Variants in VCL observed in about 807,000 individuals in gnomAD.
The protein encoded by VCL is vinculin, also known as epididymis luminal protein 114.
A neutral mutation model predicts 125.7 loss-of-function variants in VCL; 47 were observed. The ratio of observed to expected loss-of-function variants is 0.37; its 90% CI spans 0.30 to 0.48. VCL has a LOEUF of 0.48. Ranked by LOEUF, VCL falls within the 20% of genes least tolerant of loss-of-function variation. The pLI is 0.99. For synonymous variants in VCL, 458 were observed against 514.6 expected, an observed-to-expected ratio of 0.89 and a Z score of 1.49; for missense variants, 1,069 against 1,455.5, an observed-to-expected ratio of 0.73 and a Z score of 4.32.
intron 1 of VCL, among the ~76,000 whole-genome samples, chr10:74,041,293 G>A (rs1379462666): frequency 6.6e-6 from 1 of 151,728 alleles, no homozygotes; most frequent in Admixed American, 6.6e-5. Flanking sequence ...ATATGATTTA[G>A]TACTCTTAGG....
In VCL at chr10:74,071,110, T is replaced by A; in HGVS notation, c.499+27T>A. The A allele has an allele frequency of 1.2e-6, 2 of 1,604,194 alleles. No homozygotes were observed. The highest frequency in any genetic ancestry group is 1.7e-6 in the Non-Finnish European group (2 of 1,171,072). ...TTAGTTTTATCCAATTTCTATAACA[T>A]TTTTTAAGGATTGTCCATGTTGGAG... On this transcript the variant is annotated intron_variant, in intron 4 of 21. Transcript: ENST00000211998. This position sits in a 1 kb window ranked among gnomAD's most constrained non-coding sequence, Gnocchi z 4.1.
chr10:74,003,417 C>T (rs117472785), intron 1 of VCL, among the ~76,000 whole-genome samples: 1,914 of 152,248 alleles, frequency 0.013, 16 homozygotes, highest in South Asian at 0.026. Context: ...TACTTTGTAG[C>T]ATGGTATATA....
intron 1 of VCL, among the ~76,000 whole-genome samples, chr10:74,036,394 G>A (rs979020397): frequency 1.3e-5 from 2 of 152,066 alleles, no homozygotes; most frequent in South Asian, 4.2e-4. Context: ...GTAGAGACAG[G>A]GTTTCACCAT....
intron 2 of VCL, among the ~76,000 whole-genome samples, chr10:74,060,655 C>CAAAAAAAAA (rs11398822): frequency 9.2e-6 from 1 of 109,244 alleles, no homozygotes; most frequent in Non-Finnish European, 1.8e-5. Context: ...GACTCTGTCT[C>CAAAAAAAAA]AAAAAAAAAA....
At position 74,089,130 on chromosome 10, in the gene VCL, A is replaced by G. The variant is rs1324234604; in HGVS notation, c.1023-66A>G. On this transcript the variant is annotated intron_variant, in intron 8 of 21. Coordinates refer to ENST00000211998, the MANE Select transcript of VCL (RefSeq NM_014000.3). The stretch of plus-strand genomic sequence containing the variant: ...TCATGAAAACCACATGTACTGTGCT[A>G]TTGGGAATATTTTGTCATTAAGTAT... The G allele has an allele frequency of 1.1e-5, 17 of 1,606,348 alleles. No homozygotes were observed. In the East Asian group the frequency reaches 1.3e-4, roughly 13 times the overall value.
chr10:74,107,502 CA>C (rs1021329212), intron 17 of VCL, 148 bp downstream of exon 17: 1 of 1,361,696 alleles, frequency 7.3e-7, no homozygotes, highest in Non-Finnish European at 1.0e-6. Flanking sequence ...TCTCGATTTT[CA>C]TTCCTAAATC....
intron 11 of VCL, 26 bp downstream of exon 11, chr10:74,094,487 T>G (rs1839935664): frequency 6.2e-7 from 1 of 1,606,192 alleles, no homozygotes. Context: ...CACTATAACC[T>G]CATTAAATTG....
chr10:74,075,656 C>G (rs1371901310), intron 6 of VCL: 4 of 152,230 alleles, frequency 2.6e-5, no homozygotes, highest in Admixed American at 6.5e-5. Context: ...GTGGGGGGAA[C>G]ACACTGTCCC....
intron 19 of VCL, among the ~76,000 whole-genome samples, chr10:74,113,849 G>C (rs1303976111): frequency 1.3e-5 from 2 of 152,156 alleles, no homozygotes; most frequent in African/African-American, 2.4e-5. Flanking sequence ...TGCTTGTTCA[G>C]TGCTGTGCCT....
chr10:74,090,621 C>T (rs1473145872), intron 10 of VCL, among the ~76,000 whole-genome samples: 2 of 152,038 alleles, frequency 1.3e-5, no homozygotes, highest in African/African-American at 2.4e-5. Context: ...TAAGAATGTA[C>T]TTTCCTCCTT....
chr10:74,097,418 A>T lies in VCL; in HGVS notation c.1872+86A>T. On this transcript the variant is annotated intron_variant, in intron 13 of 21. Coordinates refer to ENST00000211998, the MANE Select transcript of VCL (RefSeq NM_014000.3). The surrounding 1 kb of genome is among the most constrained non-coding windows in gnomAD (Gnocchi z 4.1). The stretch of plus-strand genomic sequence containing the variant: ...AAATGTGATTACAGTGGACATCAGG[A>T]TCAGTGGTTGGGAAACTGTAGATGA... 1 of 1,575,620 alleles carries T rather than the reference A, an allele frequency of 6.3e-7. No homozygotes were observed. The highest frequency in any genetic ancestry group is 1.1e-5 in the South Asian group (1 of 89,926).
chr10:74,109,281 G>A (rs1228427208), intron 18 of VCL, 125 bp downstream of exon 18: 3 of 1,196,446 alleles, frequency 2.5e-6, no homozygotes, highest in East Asian at 2.5e-5. Context: ...TTCCTGTGTT[G>A]CCAATAGCAT....
At position 74,066,062 on chromosome 10, in the gene VCL, T is replaced by TATATATATATA. The variant is rs1491467672; in HGVS notation, c.240-4608_240-4607insATATATATATA. Among the ~76,000 whole-genome samples, 254 of 124,628 alleles carry TATATATATATA rather than the reference T, an allele frequency of 2.0e-3. 2 individuals are homozygous for TATATATATATA. Among genetic ancestry groups the TATATATATATA allele is most frequent in the African/African-American group, 7.1e-3 (230 of 32,466 alleles). 81.8% of individuals were successfully genotyped at this position (124,628 alleles called of 152,430 possible). On this transcript the variant is annotated intron_variant, in intron 2 of 21. Transcript: ENST00000211998. ...ATCAATTTTGGTATATATATATATATTTTTTTTTTTTTTTGAGATGGAGTT... is the reference window on the plus strand; with the variant it reads ...ATCAATTTTGGTATATATATATATATATATATATATATTTTTTTTTTTTTTGAGATGGAGTT...
chr10:74,098,256 C>T (rs1339724833), intron 13 of VCL, among the ~76,000 whole-genome samples: 1 of 152,232 alleles, frequency 6.6e-6, no homozygotes, highest in East Asian at 1.9e-4. Context: ...CTTCAGCTTT[C>T]TACTGAAATG....
At chr10:74,089,438 C>T in intron 9 of VCL, 89 bp downstream of exon 9, 1 of 1,572,450 alleles carries the variant, frequency 6.4e-7, no homozygotes, top group East Asian at 2.2e-5. Context: ...TGTCTCTTAT[C>T]ATTTACTGTG....
intron 2 of VCL, among the ~76,000 whole-genome samples, chr10:74,045,237 G>GAAATGA (rs1841176017): frequency 6.6e-6 from 1 of 151,354 alleles, no homozygotes; most frequent in South Asian, 2.1e-4. Flanking sequence ...ATAATTGAGG[G>GAAATGA]AAATGAAAAA....
At chr10:74,018,214 A>G (rs1188168709) in intron 1 of VCL, among the ~76,000 whole-genome samples, 5 of 144,464 alleles carry the variant, frequency 3.5e-5, no homozygotes, top group Admixed American at 7.0e-5. Flanking sequence ...ATACATATAT[A>G]TATGTGTATT....
intron 16 of VCL, among the ~76,000 whole-genome samples, chr10:74,105,815 A>G (rs1840122974): frequency 7.1e-6 from 1 of 141,328 alleles, no homozygotes; most frequent in Admixed American, 6.8e-5. Flanking sequence ...TTGGCCTGTC[A>G]AAGTGCTGGG....
chr10:74,080,133 C>T (rs766806422), intron 6 of VCL, among the ~76,000 whole-genome samples: 7 of 152,024 alleles, frequency 4.6e-5, no homozygotes, highest in Non-Finnish European at 7.4e-5. Flanking sequence ...CATTGTGTTT[C>T]AAATCATTTT....
Sources: gnomAD v4.1 joint callset for allele counts (sites outside exome capture counted in the v4.1 genomes callset) on GRCh38, gnomAD v4.1.1 for gene constraint, Gnocchi (gnomAD v3.1) non-coding constraint, MANE v1.5 for transcripts, NCBI Gene and HGNC (gene_info 2026-07-23, HGNC 2026-07-21) for gene names.